CD37: variants seen among roughly 807,000 people sequenced by gnomAD.
The protein encoded by CD37 is leukocyte antigen CD37.
A neutral mutation model predicts 38.9 loss-of-function variants in CD37; 37 were observed. The observed-to-expected ratio is 0.95, with a 90% CI of 0.73 to 1.25. The LOEUF (loss-of-function observed/expected upper bound fraction) is 1.25, where lower values mean the gene tolerates loss of function less well. Among genes scored for constraint, CD37 ranks in the 50% most tolerant of loss-of-function variants. The pLI is 0.00. For missense variants in CD37, 351 were observed against 360.1 expected (o/e 0.97, Z 0.20); for synonymous variants, 146 against 150.1 (o/e 0.97, Z 0.20).
Position 49,335,485 on chromosome 19 carries a change from C to A in CD37, c.-56C>A. 8.2e-7 allele frequency: 1 copy of A among 1,216,904 alleles called. No homozygotes were observed. Among genetic ancestry groups the A allele is most frequent in the Non-Finnish European group, 1.2e-6 (1 of 819,542 alleles). The allele number at this position is 1,216,904 out of a possible 1,614,324, so 75.4% of individuals were successfully genotyped here. On this transcript the variant is annotated 5_prime_UTR_variant, in exon 1 of 8. Transcript: ENST00000323906. The surrounding 1 kb of genome is among the most constrained non-coding windows in gnomAD (Gnocchi z 4.6). ...GCCTCTTTCTTTCTCCCTGTCTCCC[C>A]CACTGTCAGCACCTCTTCTGTGTGG... is the stretch of plus-strand genomic sequence containing the variant.
At chr19:49,337,653 G>T in intron 4 of CD37, 1 of 1,515,922 alleles carries the variant, frequency 6.6e-7, no homozygotes, top group Non-Finnish European at 8.8e-7. Context: ...GACCAAGGGA[G>T]ACAGGCATAA....
At position 49,338,039 on chromosome 19, in the gene CD37, C is replaced by T. The variant is rs762049076; in HGVS notation, c.447+10C>T. 5 of 1,613,236 alleles carry T rather than the reference C, an allele frequency of 3.1e-6. No homozygotes were observed. The Middle Eastern group carries it at 5.0e-4, about 160-fold the overall frequency. On this transcript the variant is annotated intron_variant, in intron 5 of 7. Coordinates refer to ENST00000323906, the MANE Select transcript of CD37 (RefSeq NM_001774.3). This position sits in a 1 kb window ranked among gnomAD's most constrained non-coding sequence, Gnocchi z 5.0. ...CTATGTGCAGTTCCAGGTAAGCCCC[C>T]CTCCTCCAGTTCCCTCCCGGACTGA...
rs1292046624 is a variant in CD37 at position 49,339,443 on chromosome 19, G to A, written c.768+30G>A. 1.9e-6 allele frequency: 3 copies of A among 1,600,462 alleles called. No homozygotes were observed. The highest frequency in any genetic ancestry group is 1.3e-5 in the African/African-American group (1 of 74,746). On this transcript the variant is annotated intron_variant, in intron 7 of 7. Transcript: ENST00000323906. The surrounding 1 kb of genome is among the most constrained non-coding windows in gnomAD (Gnocchi z 4.5). ...TCTGGCCCCGCCCCCACCCGCGATC[G>A]GCCCTAAATCCCTAGATGGCCCTGC... is the stretch of plus-strand genomic sequence containing the variant.
rs372817759 is a variant in CD37, at chr19:49,338,728, A to T, written c.476A>T (p.Gln159Leu). Residue 159 changes from glutamine to leucine, a missense_variant, in exon 6 of 8, where the codon CAG becomes CTG. Coordinates refer to ENST00000323906, the MANE Select transcript of CD37 (RefSeq NM_001774.3). This position sits in a 1 kb window ranked among gnomAD's most constrained non-coding sequence, Gnocchi z 5.0. ...QLRCCGWHYP[Q>L]DWFQVLILRG... ...CGCTGCTGCGGCTGGCACTACCCGCAGGACTGGTTCCAAGTCCTCATCCTG... is the reference window on the plus strand; with the variant it reads ...CGCTGCTGCGGCTGGCACTACCCGCTGGACTGGTTCCAAGTCCTCATCCTG... The T allele has an allele frequency of 6.2e-7, 1 of 1,612,702 alleles. No individual in the cohort carries two copies. The highest frequency in any genetic ancestry group is 8.5e-7 in the Non-Finnish European group (1 of 1,179,968).
intron 4 of CD37, 58 bp from the exon 5 acceptor site, chr19:49,337,867 G>C: frequency 6.2e-7 from 1 of 1,602,222 alleles, no homozygotes; most frequent in Admixed American, 1.7e-5. Flanking sequence ...GGCACAGCCT[G>C]AGAGGGGGAG....
At position 49,340,472 on chromosome 19, in the gene CD37, C is replaced by G. The variant is rs1219794932; in HGVS notation, c.*144C>G. ...CTGGGGACCCACGTGGCTGCGTGCC[C>G]CTGCTGCTGTCACCTCTCCCACGGG... On this transcript the variant is annotated 3_prime_UTR_variant, in exon 8 of 8. Coordinates refer to ENST00000323906, the MANE Select transcript of CD37 (RefSeq NM_001774.3). 4 of 687,668 alleles carry G rather than the reference C, an allele frequency of 5.8e-6. No individual in the cohort carries two copies. The highest frequency in any genetic ancestry group is 2.0e-5 in the Admixed American group (1 of 48,882). 42.6% of individuals were successfully genotyped at this position (687,668 alleles called of 1,614,324 possible).
At chr19:49,340,037 A>AC (rs1971155905) in intron 7 of CD37, 2 of 1,488,734 alleles carry the variant, frequency 1.3e-6, no homozygotes, top group Non-Finnish European at 1.8e-6. Context: ...ACTCCTTCTC[A>AC]GCCTCTACCC....
intron 7 of CD37, 38 bp from the exon 8 acceptor site, chr19:49,340,213 C>A: frequency 6.3e-7 from 1 of 1,575,774 alleles, no homozygotes; most frequent in Non-Finnish European, 8.7e-7. Context: ...TCGCCAGCAC[C>A]CCTTCGACTT....
chr19:49,336,769 C>A, intron 2 of CD37, 140 bp from the exon 3 acceptor site: 2 of 792,070 alleles, frequency 2.5e-6, no homozygotes, highest in Non-Finnish European at 4.0e-6. Context: ...GAAACAGGGA[C>A]TCAGGGTGGG....
In CD37 at chr19:49,339,970, G is replaced by A; in HGVS notation, c.769-281G>A. The stretch of plus-strand genomic sequence containing the variant: ...GGAGGCACAATTAGAGGCTGAGGCA[G>A]AGGGGGAAGACAGATGAGCCTCCAA... On this transcript the variant is annotated intron_variant, in intron 7 of 7. Coordinates refer to ENST00000323906, the MANE Select transcript of CD37 (RefSeq NM_001774.3). This position sits in a 1 kb window ranked among gnomAD's most constrained non-coding sequence, Gnocchi z 4.5. 1 of 1,418,670 alleles carries A rather than the reference G, an allele frequency of 7.0e-7. No homozygotes were observed. The highest frequency in any genetic ancestry group is 9.2e-7 in the Non-Finnish European group (1 of 1,088,324). 87.9% of individuals were successfully genotyped at this position (1,418,670 alleles called of 1,614,324 possible). A position where few individuals can be genotyped will look rare whatever the true frequency, so the allele number is the denominator to read the frequency against.
chr19:49,335,514 G>A lies in CD37; in HGVS notation c.-27G>A, dbSNP rs1970916969. 4 of 1,582,732 alleles carry A rather than the reference G, an allele frequency of 2.5e-6. No individual in the cohort carries two copies. Among genetic ancestry groups the A allele is most frequent in the Non-Finnish European group, 3.5e-6 (4 of 1,151,572 alleles). The stretch of plus-strand genomic sequence containing the variant: ...TGTCAGCACCTCTTCTGTGTGGTGA[G>A]TGGACCGCTTACCCCACTAGGTGAA... On this transcript the variant is annotated 5_prime_UTR_variant, in exon 1 of 8. It adds an upstream start codon to the 5' untranslated region. Coordinates refer to ENST00000323906, the MANE Select transcript of CD37 (RefSeq NM_001774.3). This position sits in a 1 kb window ranked among gnomAD's most constrained non-coding sequence, Gnocchi z 4.6.
In CD37 at chr19:49,337,917, C is replaced by A; in HGVS notation, c.343-8C>A. On this transcript the variant is annotated splice_region_variant and splice_polypyrimidine_tract_variant and intron_variant, in intron 4 of 7. Transcript: ENST00000323906. ...AGATAAGGCCCAGCCTCACTGGTGGCCTCTCAGCTGGAGCGAAGCTTGCGG... is the reference window on the plus strand; with the variant it reads ...AGATAAGGCCCAGCCTCACTGGTGGACTCTCAGCTGGAGCGAAGCTTGCGG... 1 of 1,613,918 alleles carries A rather than the reference C, an allele frequency of 6.2e-7. No homozygotes were observed. Among genetic ancestry groups the A allele is most frequent in the Non-Finnish European group, 8.5e-7 (1 of 1,179,930 alleles).
At position 49,339,415 on chromosome 19, in the gene CD37, T is replaced by C. The variant is rs1971105901; in HGVS notation, c.768+2T>C. Reference sequence around the variant, plus strand: ...TGCCTGGGCGTCGGCCTACTCGAGGTGATCTGGCCCCGCCCCCACCCGCGA... The same window carrying C: ...TGCCTGGGCGTCGGCCTACTCGAGGCGATCTGGCCCCGCCCCCACCCGCGA... On this transcript the variant is annotated splice_donor_variant, in intron 7 of 7. Transcript: ENST00000323906. LOFTEE classifies it high-confidence loss of function. The surrounding 1 kb of genome is among the most constrained non-coding windows in gnomAD (Gnocchi z 4.5). The C allele has an allele frequency of 1.2e-6, 2 of 1,613,146 alleles. No homozygotes were observed. Among genetic ancestry groups the C allele is most frequent in the Non-Finnish European group, 1.7e-6 (2 of 1,179,378 alleles).
In CD37 at chr19:49,339,641, CT is replaced by C; in HGVS notation, c.768+229del. On this transcript the variant is annotated intron_variant, in intron 7 of 7. Coordinates refer to ENST00000323906, the MANE Select transcript of CD37 (RefSeq NM_001774.3). This position sits in a 1 kb window ranked among gnomAD's most constrained non-coding sequence, Gnocchi z 4.5. ...CCTCCTGCTATTGGCTGCGATCTCC[CT>C]CCCCTTTCTCCGCAGATGACTGTCA... 1 of 1,430,128 alleles carries C rather than the reference CT, an allele frequency of 7.0e-7. No individual in the cohort carries two copies. Among genetic ancestry groups the C allele is most frequent in the South Asian group, 1.5e-5 (1 of 66,712 alleles). The allele number at this position is 1,430,128 out of a possible 1,614,324, so 88.6% of individuals were successfully genotyped here.
chr19:49,338,870 C>T lies in CD37; in HGVS notation c.618C>T (p.His206=). 6.2e-7 allele frequency: 1 copy of T among 1,614,160 alleles called. No homozygotes were observed. ...VILPQLSRLG[H]LARSRHSADI... ...TGCCCCAGCTCAGCAGGCTTGGACA[C>T]CTGGCGCGGTCCAGACACAGTGCAG... The change falls in exon 6 of 8, where the codon CAC becomes CAT. Residue 206 remains histidine (H), a synonymous_variant. Coordinates refer to ENST00000323906, the MANE Select transcript of CD37 (RefSeq NM_001774.3). This position sits in a 1 kb window ranked among gnomAD's most constrained non-coding sequence, Gnocchi z 5.0.
Position 49,335,681 on chromosome 19 carries a change from G to A in CD37, c.70-33G>A, listed in dbSNP as rs373724200. The A allele has an allele frequency of 1.2e-6, 2 of 1,612,526 alleles. No individual in the cohort carries two copies. Among genetic ancestry groups the A allele is most frequent in the Non-Finnish European group, 1.7e-6 (2 of 1,178,894 alleles). On this transcript the variant is annotated intron_variant, in intron 1 of 7. Coordinates refer to ENST00000323906, the MANE Select transcript of CD37 (RefSeq NM_001774.3). The surrounding 1 kb of genome is among the most constrained non-coding windows in gnomAD (Gnocchi z 4.6). ...AACCCAGCCCTCATCTTCCCCTGTG[G>A]CCCACCCCCGTATCCGCATCTCCTC... is the stretch of plus-strand genomic sequence containing the variant.
chr19:49,337,647 A>G, intron 4 of CD37: 1 of 1,511,680 alleles, frequency 6.6e-7, no homozygotes, highest in Non-Finnish European at 8.8e-7. Flanking sequence ...GACCTGGACC[A>G]AGGGAGACAG....
rs754119182 is a variant in CD37 at position 49,338,975 on chromosome 19, C to A, written c.684+39C>A. 1.6e-6 allele frequency: 2 copies of A among 1,255,838 alleles called. No individual in the cohort carries two copies. Among genetic ancestry groups the A allele is most frequent in the Middle Eastern group, 2.0e-4 (1 of 4,942 alleles). 77.8% of individuals were successfully genotyped at this position (1,255,838 alleles called of 1,614,324 possible). A position where few individuals can be genotyped will look rare whatever the true frequency, so the allele number is the denominator to read the frequency against. Reference sequence around the variant, plus strand: ...CGGAGCATAAACCTGTCGAATGGGGCGGGGCCTGCGGGAGGGGGAGGGCTG... The same window carrying A: ...CGGAGCATAAACCTGTCGAATGGGGAGGGGCCTGCGGGAGGGGGAGGGCTG... On this transcript the variant is annotated intron_variant, in intron 6 of 7. Coordinates refer to ENST00000323906, the MANE Select transcript of CD37 (RefSeq NM_001774.3). This position sits in a 1 kb window ranked among gnomAD's most constrained non-coding sequence, Gnocchi z 5.0.
rs570288368 is a variant in CD37, at chr19:49,339,162, C to A, written c.685-168C>A. 6.6e-6 allele frequency among the ~76,000 whole-genome samples: 1 copy of A among 152,148 alleles called. No individual in the cohort carries two copies. Among genetic ancestry groups the A allele is most frequent in the Admixed American group, 6.5e-5 (1 of 15,276 alleles). On this transcript the variant is annotated intron_variant, in intron 6 of 7. Coordinates refer to ENST00000323906, the MANE Select transcript of CD37 (RefSeq NM_001774.3). This position sits in a 1 kb window ranked among gnomAD's most constrained non-coding sequence, Gnocchi z 4.5. ...TACAGATGTCTAGGGAGGGGCCAGG[C>A]TTGGAAAAGGTGAAGCGAGGGTGCA...
Sources: gnomAD v4.1 joint callset for allele counts (sites outside exome capture counted in the v4.1 genomes callset) on GRCh38, gnomAD v4.1.1 for gene constraint, Gnocchi (gnomAD v3.1) non-coding constraint, MANE v1.5 for transcripts, NCBI Gene and HGNC (gene_info 2026-07-23, HGNC 2026-07-21) for gene names.